Variants in HRH4 observed in about 807,000 individuals in gnomAD.
HRH4 encodes the protein histamine H4 receptor.
In HRH4, 12 loss-of-function variants were observed where a neutral mutation model predicts 10.4. The observed-to-expected ratio is 1.15, with a 90% CI of 0.74 to 1.87. The LOEUF (loss-of-function observed/expected upper bound fraction) is 1.87. HRH4 is among the 40% of genes most tolerant of loss of function. The pLI is 0.00. For synonymous variants in HRH4, 154 were observed against 166.6 expected, an observed-to-expected ratio of 0.92 and a Z score of 0.58; for missense variants, 415 against 453.3, an observed-to-expected ratio of 0.92 and a Z score of 0.77.
chr18:24,465,218 G>A (rs1205629351), intron 1 of HRH4, among the ~76,000 whole-genome samples: 1 of 152,172 alleles, frequency 6.6e-6, no homozygotes, highest in Non-Finnish European at 1.5e-5. Context: ...AACCCAGGAG[G>A]TGGAGGTTGC....
chr18:24,477,555 C>CT lies in HRH4; in HGVS notation c.1168dup (p.Ser390PhefsTer10). ...CCATCACAACACAGTCGGTCAGTAT[C>CT]TTCTTAAAGACAATTTTCTCACCTC... On this transcript the variant is annotated frameshift_variant, in exon 3 of 3. Transcript: ENST00000256906. LOFTEE classifies it high-confidence loss of function. The CT allele has an allele frequency of 6.4e-7, 1 of 1,558,664 alleles. No individual in the cohort carries two copies. The highest frequency in any genetic ancestry group is 2.0e-5 in the Admixed American group (1 of 49,738).
intron 2 of HRH4, among the ~76,000 whole-genome samples, chr18:24,471,493 G>C (rs1909950935): frequency 6.7e-6 from 1 of 150,328 alleles, no homozygotes; most frequent in African/African-American, 2.4e-5. Flanking sequence ...TGTAATCCCA[G>C]CTACTTGGGA....
intron 2 of HRH4, among the ~76,000 whole-genome samples, chr18:24,472,684 TG>T (rs1910004639): frequency 6.6e-6 from 1 of 152,014 alleles, no homozygotes; most frequent in Non-Finnish European, 1.5e-5. Flanking sequence ...ATGGGTGGCC[TG>T]GGAAATGGAA....
intron 2 of HRH4, among the ~76,000 whole-genome samples, chr18:24,470,973 C>T (rs538259956): frequency 3.3e-5 from 5 of 149,996 alleles, no homozygotes; most frequent in African/African-American, 7.4e-5. Flanking sequence ...CAGTCATTTC[C>T]GCTTACATTT....
intron 1 of HRH4, among the ~76,000 whole-genome samples, chr18:24,467,684 C>T (rs1023089912): frequency 1.3e-5 from 2 of 152,166 alleles, no homozygotes; most frequent in African/African-American, 4.8e-5. Context: ...ACTGGGATTA[C>T]AGGCGTGCAC....
rs116360028 is a variant in HRH4, at chr18:24,477,111, C to T, written c.722C>T (p.Ser241Leu). ...TCTTCAAGGAGATCTCTTTCTGCATCGACAGAAGTTCCTGCATCCTTTCAT... is the reference window on the plus strand; with the variant it reads ...TCTTCAAGGAGATCTCTTTCTGCATTGACAGAAGTTCCTGCATCCTTTCAT... ...RLSSRRSLSA[S>L]TEVPASFHSE... The change falls in exon 3 of 3, where the codon TCG becomes TTG. Residue 241 changes from serine to leucine, a missense_variant. Coordinates refer to ENST00000256906, the MANE Select transcript of HRH4 (RefSeq NM_021624.4). The T allele has an allele frequency of 1.5e-5, 24 of 1,614,044 alleles. No homozygotes were observed. In the East Asian group the frequency reaches 3.1e-4, roughly 21 times the overall value.
intron 1 of HRH4, among the ~76,000 whole-genome samples, chr18:24,467,972 G>T (rs552459097): frequency 2.6e-5 from 4 of 152,244 alleles, no homozygotes; most frequent in Admixed American, 1.3e-4. Flanking sequence ...TGGGGTTAGA[G>T]CATGAAAAAA....
At chr18:24,461,618 G>C (rs2144362728) in intron 1 of HRH4, among the ~76,000 whole-genome samples, 1 of 152,112 alleles carries the variant, frequency 6.6e-6, no homozygotes, top group East Asian at 1.9e-4. Context: ...TTTTACAGGA[G>C]TTTCTAGTAT....
chr18:24,469,228 G>A (rs1909868700), intron 2 of HRH4, among the ~76,000 whole-genome samples: 1 of 152,192 alleles, frequency 6.6e-6, no homozygotes, highest in Non-Finnish European at 1.5e-5. Context: ...AGATTGGATA[G>A]ACATGACATT....
At position 24,477,167 on chromosome 18, in the gene HRH4, A is replaced by G. The variant is rs747705828; in HGVS notation, c.778A>G (p.Met260Val). 9.3e-6 allele frequency: 15 copies of G among 1,614,108 alleles called. No homozygotes were observed. Among genetic ancestry groups the G allele is most frequent in the Admixed American group, 8.3e-5 (5 of 60,004 alleles). The stretch of plus-strand genomic sequence containing the variant: ...GAGACAGAGGAGAAAGAGTAGTCTC[A>G]TGTTTTCCTCAAGAACCAAGATGAA... ...SERQRRKSSL[M>V]FSSRTKMNSN... is the part of the protein sequence containing the mutation. Residue 260 changes from methionine (M) to valine (V), a missense_variant, in exon 3 of 3, where the codon ATG becomes GTG. By Grantham distance (21) the Met-to-Val change is conservative (BLOSUM62 1). Transcript: ENST00000256906.
At chr18:24,463,417 G>T (rs1191365287) in intron 1 of HRH4, among the ~76,000 whole-genome samples, 2 of 152,164 alleles carry the variant, frequency 1.3e-5, no homozygotes, top group African/African-American at 4.8e-5. Context: ...ACAGTCCCTG[G>T]GAGCTTTTTG....
At chr18:24,463,135 A>G (rs678685) in intron 1 of HRH4, among the ~76,000 whole-genome samples, 141,980 of 152,310 alleles carry the variant, frequency 0.93, 66,436 homozygotes, top group African/African-American at 0.98. Flanking sequence ...CTGGCCCAAG[A>G]CCAGCATCAT....
intron 1 of HRH4, among the ~76,000 whole-genome samples, chr18:24,462,632 A>G (rs1909673660): frequency 6.6e-6 from 1 of 152,218 alleles, no homozygotes; most frequent in South Asian, 2.1e-4. Context: ...TGGGCAGGAC[A>G]GCTCTGGTTC....
intron 2 of HRH4, among the ~76,000 whole-genome samples, chr18:24,472,770 G>A (rs1034123975): frequency 2.4e-4 from 36 of 152,188 alleles, no homozygotes; most frequent in Non-Finnish European, 1.5e-5. Context: ...GAGGTTTTCT[G>A]GAGGTGCAGA....
chr18:24,463,561 C>T (rs1909695133), intron 1 of HRH4, among the ~76,000 whole-genome samples: 1 of 152,196 alleles, frequency 6.6e-6, no homozygotes, highest in Admixed American at 6.5e-5. Context: ...AGGTTTTCTG[C>T]AGCTGTTAGC....
At chr18:24,475,223 T>A (rs2144382605) in intron 2 of HRH4, among the ~76,000 whole-genome samples, 1 of 152,238 alleles carries the variant, frequency 6.6e-6, no homozygotes, top group Middle Eastern at 3.4e-3. Context: ...GTTAGAATAT[T>A]CTTCATCCTT....
At chr18:24,465,384 G>T (rs1343833474) in intron 1 of HRH4, among the ~76,000 whole-genome samples, 1 of 152,138 alleles carries the variant, frequency 6.6e-6, no homozygotes, top group African/African-American at 2.4e-5. Context: ...CAGGTGCGCA[G>T]GATCTGAGGC....
At chr18:24,465,059 G>C (rs1314159183) in intron 1 of HRH4, among the ~76,000 whole-genome samples, 1 of 152,010 alleles carries the variant, frequency 6.6e-6, no homozygotes, top group Non-Finnish European at 1.5e-5. Context: ...GGCCAAGGTG[G>C]GTGGATCACT....
rs757678921 is a variant in HRH4 at position 24,477,405 on chromosome 18, G to A, written c.1016G>A (p.Trp339Ter). ...TCAGCAACAGGTCCTAAATCAGTTT[G>A]GTATAGAATTGCATTTTGGCTTCAG... The part of the protein sequence containing the change: ...YSSATGPKSV[W>*]YRIAFWLQWF... The change falls in exon 3 of 3, where the codon TGG becomes TAG. Residue 339 changes from tryptophan (W) to a stop codon, truncating the protein, a stop_gained. Transcript: ENST00000256906. LOFTEE classifies it low-confidence loss of function (END_TRUNC). The A allele has an allele frequency of 3.7e-6, 6 of 1,614,096 alleles. No individual in the cohort carries two copies.
Sources: allele counts gnomAD v4.1 joint callset (sites outside exome capture counted in the v4.1 genomes callset), GRCh38; gene constraint gnomAD v4.1.1; transcripts MANE v1.5; gene names NCBI Gene and HGNC (gene_info 2026-07-23, HGNC 2026-07-21).